Variants in SH2D3A observed in about 807,000 individuals in gnomAD.
The protein encoded by SH2D3A is SH2 domain containing 3A.
Under a neutral mutation model 50.6 loss-of-function variants are expected in SH2D3A, and 46 were observed. The observed-to-expected ratio is 0.91, with a 90% CI of 0.72 to 1.16. SH2D3A has a LOEUF of 1.16. SH2D3A is among the 50% of genes most tolerant of loss of function. The pLI is 0.00. For synonymous variants in SH2D3A, 377 were observed against 348.4 expected (o/e 1.08, Z -0.91); for missense variants, 783 against 786.2 (o/e 1.00, Z 0.05).
At chr19:6,766,409 G>A (rs973281114) in intron 1 of SH2D3A, among the ~76,000 whole-genome samples, 1 of 152,108 alleles carries the variant, frequency 6.6e-6, no homozygotes, top group Non-Finnish European at 1.5e-5. Flanking sequence ...TCATTTATTC[G>A]GGCACGGAAG....
At chr19:6,762,381 C>T (rs1050376106) in intron 2 of SH2D3A, among the ~76,000 whole-genome samples, 1 of 151,388 alleles carries the variant, frequency 6.6e-6, no homozygotes, top group African/African-American at 2.4e-5. Context: ...GAGGGGGTTT[C>T]ATCATATAGG....
chr19:6,761,063 T>G, intron 2 of SH2D3A, 76 bp from the exon 3 acceptor site: 1 of 1,169,074 alleles, frequency 8.6e-7, no homozygotes, highest in Non-Finnish European at 1.2e-6. Context: ...CCCCCCACCA[T>G]TGCCCCCACC....
At chr19:6,766,340 G>A (rs891913748) in intron 1 of SH2D3A, among the ~76,000 whole-genome samples, 2 of 151,498 alleles carry the variant, frequency 1.3e-5, no homozygotes, top group African/African-American at 4.9e-5. Flanking sequence ...AGGACACAGG[G>A]TGGCCATAGG....
At chr19:6,753,332 T>G in intron 9 of SH2D3A, 124 bp downstream of exon 9, 1 of 1,395,348 alleles carries the variant, frequency 7.2e-7, no homozygotes, top group Non-Finnish European at 9.3e-7. Flanking sequence ...CCGTCCCAGT[T>G]TGGGTGGGGC....
chr19:6,758,665 A>G (rs1344214214), intron 4 of SH2D3A: 1 of 152,208 alleles, frequency 6.6e-6, no homozygotes, highest in Non-Finnish European at 1.5e-5. Context: ...TTTGTGGTTC[A>G]TGGTTTGTTG....
Position 6,753,573 on chromosome 19 carries a change from C to T in SH2D3A, c.1453G>A (p.Glu485Lys), listed in dbSNP as rs1304348677. 3 of 1,583,614 alleles carry T rather than the reference C, an allele frequency of 1.9e-6. No homozygotes were observed. Among genetic ancestry groups the T allele is most frequent in the Non-Finnish European group, 2.6e-6 (3 of 1,165,904 alleles). Reference protein sequence around the residue: ...APMVRLLEGEEVAGPLDESCE... With the variant: ...APMVRLLEGEKVAGPLDESCE... ...CTCTCGTCCAGCGGCCCCGCGACTT[C>T]CTCGCCCTCCAGTAGGCGAACCATG... Residue 485 changes from glutamate to lysine, a missense_variant, in exon 9 of 10, where the codon GAA becomes AAA. Glu to Lys is a moderately conservative substitution (Grantham distance 56, BLOSUM62 1). Coordinates refer to ENST00000245908, the MANE Select transcript of SH2D3A (RefSeq NM_005490.3).
chr19:6,752,732 A>G lies in SH2D3A; in HGVS notation c.1592T>C (p.Leu531Pro), dbSNP rs986355757. The G allele has an allele frequency of 7.7e-6, 12 of 1,549,452 alleles. No individual in the cohort carries two copies. In the Admixed American group the frequency reaches 2.4e-4, roughly 30 times the overall value. Reference sequence around the variant, plus strand: ...GAAGCCGGTGGTCAGGGCCTCCCTCAGCTCCGGGTTAGGCCGGAATCCTGG... The same window carrying G: ...GAAGCCGGTGGTCAGGGCCTCCCTCGGCTCCGGGTTAGGCCGGAATCCTGG... ...RLRGFRPNPE[L>P]REALTTGFVR... The change falls in exon 10 of 10, where the codon CTG becomes CCG. Residue 531 changes from leucine (L) to proline (P), a missense_variant. Coordinates refer to ENST00000245908, the MANE Select transcript of SH2D3A (RefSeq NM_005490.3).
chr19:6,767,019 T>C (rs764536111), intron 1 of SH2D3A, among the ~76,000 whole-genome samples: 3 of 152,042 alleles, frequency 2.0e-5, no homozygotes, highest in Admixed American at 1.3e-4. Flanking sequence ...AAGGAGTAGA[T>C]AGGAGGGCAA....
intron 2 of SH2D3A, 179 bp from the exon 3 acceptor site, chr19:6,761,166 C>A (rs7257763): frequency 6.7e-6 from 4 of 597,380 alleles, no homozygotes; most frequent in South Asian, 2.1e-5. Context: ...CTGGCACCTA[C>A]GTAGACTACA....
rs548246269 is a variant in SH2D3A at position 6,760,280 on chromosome 19, A to G, written c.419+358T>C. Among the ~76,000 whole-genome samples, 199 of 152,118 alleles carry G rather than the reference A, an allele frequency of 1.3e-3. 1 individual carries two copies. The highest frequency in any genetic ancestry group is 4.5e-3 in the African/African-American group (188 of 41,514). On this transcript the variant is annotated intron_variant, in intron 3 of 9. Coordinates refer to ENST00000245908, the MANE Select transcript of SH2D3A (RefSeq NM_005490.3). ...AATCCCAGCTACTCGGGAAGCTGAGACAGGAGAATTGCTTGAACCCGGGAG... is the reference window on the plus strand; with the variant it reads ...AATCCCAGCTACTCGGGAAGCTGAGGCAGGAGAATTGCTTGAACCCGGGAG...
At chr19:6,761,039 G>A in intron 2 of SH2D3A, 52 bp from the exon 3 acceptor site, 1 of 1,405,190 alleles carries the variant, frequency 7.1e-7, no homozygotes, top group Middle Eastern at 2.0e-4. Flanking sequence ...CCAGGGCAGT[G>A]GTTAATGGTA....
At chr19:6,756,535 C>T (rs532295516) in intron 4 of SH2D3A, among the ~76,000 whole-genome samples, 36 of 151,782 alleles carry the variant, frequency 2.4e-4, no homozygotes, top group Non-Finnish European at 3.7e-4. Context: ...ACCTACTGAC[C>T]CCTCCTCTAA....
chr19:6,754,533 C>T, intron 6 of SH2D3A, 83 bp downstream of exon 6: 1 of 1,592,106 alleles, frequency 6.3e-7, no homozygotes. Context: ...CCCTGGGGAA[C>T]CATGAGTGGG....
At chr19:6,755,641 G>A (rs374128380) in intron 4 of SH2D3A, among the ~76,000 whole-genome samples, 18 of 150,834 alleles carry the variant, frequency 1.2e-4, no homozygotes, top group Middle Eastern at 3.4e-3. Flanking sequence ...CTCCCTCCTC[G>A]GCCTCCCAAA....
In SH2D3A at chr19:6,754,331, G is replaced by A. The variant is rs1475181191; in HGVS notation, c.1192C>T (p.Leu398=). 1 of 1,574,592 alleles carries A rather than the reference G, an allele frequency of 6.4e-7. No homozygotes were observed. The highest frequency in any genetic ancestry group is 1.3e-5 in the African/African-American group (1 of 74,556). ...GCCCCTGGCCGCAGCGCCAGCGCCA[G>A]CTCTACCAGTCCCCTCAGTGCGGCT... ...RAAALRGLVE[L]ALALRPGAAG... is the part of the protein sequence containing the mutation. The change falls in exon 7 of 10, where the codon CTG becomes TTG. Residue 398 remains leucine, a synonymous_variant. Transcript: ENST00000245908.
Position 6,753,522 on chromosome 19 carries a change from G to T in SH2D3A, c.1504C>A (p.His502Asn). ...ESCERLLRTL[H>N]GARHMVRDAP... ...TCCCGGACCATGTGACGCGCCCCGT[G>T]CAGGGTGCGCAACAGCCGCTCACAG... The change falls in exon 9 of 10, where the codon CAC becomes AAC. Residue 502 changes from histidine to asparagine, a missense_variant. Transcript: ENST00000245908. The T allele has an allele frequency of 6.4e-7, 1 of 1,561,044 alleles. No homozygotes were observed. The highest frequency in any genetic ancestry group is 8.7e-7 in the Non-Finnish European group (1 of 1,153,146).
chr19:6,759,395 G>A, intron 4 of SH2D3A, 199 bp downstream of exon 4: 1 of 493,158 alleles, frequency 2.0e-6, no homozygotes, highest in East Asian at 4.1e-5. Flanking sequence ...TTACAGGCAT[G>A]AGCCACCGCG....
At chr19:6,765,065 G>A (rs1158997229) in intron 1 of SH2D3A, among the ~76,000 whole-genome samples, 1 of 151,680 alleles carries the variant, frequency 6.6e-6, no homozygotes, top group Non-Finnish European at 1.5e-5. Context: ...ATTTTTAATA[G>A]AGATGGGGTT....
At chr19:6,761,290 C>T in intron 2 of SH2D3A, 1 of 334,308 alleles carries the variant, frequency 3.0e-6, no homozygotes, top group Non-Finnish European at 5.5e-6. Flanking sequence ...CCCTGCTGCA[C>T]AATCTTATAG....
Sources: allele counts gnomAD v4.1 joint callset (sites outside exome capture counted in the v4.1 genomes callset), GRCh38; gene constraint gnomAD v4.1.1; transcripts MANE v1.5; gene names NCBI Gene and HGNC (gene_info 2026-07-23, HGNC 2026-07-21).